MGST1: variants seen among roughly 807,000 people sequenced by gnomAD.
MGST1 encodes glutathione S-transferase 12.
A neutral mutation model predicts 8.9 loss-of-function variants in MGST1; 5 were observed. The observed-to-expected ratio is 0.56, with a 90% CI of 0.29 to 1.19. The LOEUF (loss-of-function observed/expected upper bound fraction) is 1.19, where lower values mean the gene tolerates loss of function less well. MGST1 is among the 50% of genes most tolerant of loss of function. The pLI is 0.08. For missense variants in MGST1, 182 were observed against 187.4 expected (o/e 0.97, Z 0.17); for synonymous variants, 54 against 67.8 (o/e 0.80, Z 1.00).
chr12:16,515,965 T>A (rs536100231), intron 4 of MGST1, among the ~76,000 whole-genome samples: 85 of 152,230 alleles, frequency 5.6e-4, no homozygotes, highest in Non-Finnish European at 1.2e-3. Context: ...GCTCTAATTA[T>A]GTAGACTTAT....
downstream of MGST1, among the ~76,000 whole-genome samples, chr12:16,367,933 A>G (rs1210990561): frequency 8.1e-6 from 1 of 122,944 alleles, no homozygotes; most frequent in African/African-American, 4.3e-5. Context: ...GGGCTATCCA[A>G]TCATTCTTCT....
rs74553776 is a variant in MGST1, at chr12:16,578,429, G to C, written n.483-11099G>C. On this transcript the variant is annotated intron_variant and non_coding_transcript_variant, in intron 4 of 4. Transcript: ENST00000538857. Reference sequence around the variant, plus strand: ...AGAAGGGATGGAGGAACAGGGAAGAGAAGAAGCAGTTGTGCTCTCTTTGGA... The same window carrying C: ...AGAAGGGATGGAGGAACAGGGAAGACAAGAAGCAGTTGTGCTCTCTTTGGA... Among the ~76,000 whole-genome samples the C allele has an allele frequency of 6.7e-3, 1,023 of 152,296 alleles. 13 individuals carry two copies. Among genetic ancestry groups the C allele is most frequent in the African/African-American group, 0.024 (989 of 41,546 alleles).
intron 4 of MGST1, among the ~76,000 whole-genome samples, chr12:16,474,061 T>C (rs1450992140): frequency 1.3e-5 from 2 of 152,206 alleles, no homozygotes; most frequent in African/African-American, 4.8e-5. Flanking sequence ...GTGAACAATT[T>C]GTTCTGCAAC....
At chr12:16,550,804 CATAAAT>C (rs1565476829) in intron 4 of MGST1, 2 of 154,742 alleles carry the variant, frequency 1.3e-5, no homozygotes, top group African/African-American at 4.8e-5. Context: ...ATACAGAAAG[CATAAAT>C]ATACAGTAAG....
intron 1 of MGST1, among the ~76,000 whole-genome samples, chr12:16,406,676 A>G (rs1174150396): frequency 6.6e-6 from 1 of 152,212 alleles, no homozygotes; most frequent in African/African-American, 2.4e-5. Flanking sequence ...GGCTACAGAA[A>G]CCAAAATACC....
chr12:16,550,665 C>CTG (rs1049603245), intron 4 of MGST1: 53 of 152,330 alleles, frequency 3.5e-4, no homozygotes, highest in African/African-American at 1.2e-3. Context: ...CTAAAATGCT[C>CTG]TGTGTGTGTC....
chr12:16,515,249 T>C (rs1316932579), intron 4 of MGST1, among the ~76,000 whole-genome samples: 4 of 152,224 alleles, frequency 2.6e-5, no homozygotes, highest in Non-Finnish European at 5.9e-5. Context: ...TCTTTTCTTC[T>C]TTGTCATTGC....
At chr12:16,427,738 G>C (rs775970593) in intron 1 of MGST1, among the ~76,000 whole-genome samples, 10 of 152,086 alleles carry the variant, frequency 6.6e-5, no homozygotes, top group Admixed American at 3.3e-4. Flanking sequence ...CTTGATACTG[G>C]CTATTGAGCT....
At chr12:16,447,928 T>C (rs927162225) in intron 4 of MGST1, among the ~76,000 whole-genome samples, 2 of 151,958 alleles carry the variant, frequency 1.3e-5, no homozygotes, top group Admixed American at 6.6e-5. Flanking sequence ...CAATCAATGA[T>C]TGCTGAATAA....
chr12:16,488,439 CT>C (rs1009565101), intron 4 of MGST1, among the ~76,000 whole-genome samples: 1 of 152,120 alleles, frequency 6.6e-6, no homozygotes, highest in African/African-American at 2.4e-5. Flanking sequence ...GTCTTCATAT[CT>C]TGATGTTCTC....
chr12:16,385,535 C>T (rs10772925), intron 1 of MGST1, among the ~76,000 whole-genome samples: 14,678 of 152,066 alleles, frequency 0.097, 1,180 homozygotes, highest in East Asian at 0.3. Flanking sequence ...TAATTTTTAC[C>T]GGCTAAATTT....
In MGST1 at chr12:16,585,188, C is replaced by T. The variant is rs1019939840; in HGVS notation, n.483-4340C>T. ...CAACGTTATTTTTCCTTCCAGACTC[C>T]GGAACCTGGAGGCAATTGAGTTTGT... On this transcript the variant is annotated intron_variant and non_coding_transcript_variant, in intron 4 of 4. Coordinates refer to the MGST1 transcript ENST00000538857. This position sits in a 1 kb window ranked among gnomAD's most constrained non-coding sequence, Gnocchi z 4.7. 1.3e-5 allele frequency among the ~76,000 whole-genome samples: 2 copies of T among 152,180 alleles called. No homozygotes were observed. The highest frequency in any genetic ancestry group is 1.9e-4 in the East Asian group (1 of 5,180).
intron 4 of MGST1, among the ~76,000 whole-genome samples, chr12:16,469,680 G>T (rs1941280287): frequency 6.6e-6 from 1 of 152,138 alleles, no homozygotes; most frequent in African/African-American, 2.4e-5. Flanking sequence ...CTAAGGCTGT[G>T]GTCTTCACTG....
intron 1 of MGST1, among the ~76,000 whole-genome samples, chr12:16,351,682 C>T (rs1472829312): frequency 2.0e-5 from 3 of 151,988 alleles, no homozygotes; most frequent in Non-Finnish European, 4.4e-5. Flanking sequence ...TGGTGGCGGG[C>T]ACCTGTAATC....
intron 4 of MGST1, among the ~76,000 whole-genome samples, chr12:16,519,617 T>C (rs748654303): frequency 9.4e-5 from 13 of 138,732 alleles, no homozygotes; most frequent in Non-Finnish European, 2.0e-4. Context: ...TTTTTATTAC[T>C]TCATGCTTTT....
intron 4 of MGST1, among the ~76,000 whole-genome samples, chr12:16,466,241 T>C (rs1426278051): frequency 1.3e-5 from 2 of 152,210 alleles, no homozygotes; most frequent in East Asian, 1.9e-4. Flanking sequence ...CTGGCAAGCA[T>C]AGTGTAACTT....
At chr12:16,496,903 AG>A (rs1941474331) in intron 4 of MGST1, among the ~76,000 whole-genome samples, 1 of 152,190 alleles carries the variant, frequency 6.6e-6, no homozygotes, top group Non-Finnish European at 1.5e-5. Flanking sequence ...GACACAAACA[AG>A]AAGTCCTATA....
intron 4 of MGST1, among the ~76,000 whole-genome samples, chr12:16,521,630 T>TTG (rs1216703966): frequency 1.3e-5 from 2 of 152,094 alleles, no homozygotes; most frequent in Admixed American, 6.6e-5. Flanking sequence ...ACCAAAGCTT[T>TTG]TGTGTGTGTG....
chr12:16,591,355 G>A (rs969813255), downstream of MGST1, among the ~76,000 whole-genome samples: 2 of 151,848 alleles, frequency 1.3e-5, no homozygotes, highest in Admixed American at 6.6e-5. The surrounding 1 kb of genome is among the most constrained non-coding windows in gnomAD (Gnocchi z 4.1). Context: ...TCAAGTCACC[G>A]TCTCAGTGAG....
Sources: gnomAD v4.1 joint callset for allele counts (sites outside exome capture counted in the v4.1 genomes callset) on GRCh38, gnomAD v4.1.1 for gene constraint, Gnocchi (gnomAD v3.1) non-coding constraint, MANE v1.5 for transcripts, NCBI Gene and HGNC (gene_info 2026-07-23, HGNC 2026-07-21) for gene names.